Variants in TTC28 observed in about 807,000 individuals in gnomAD.
The protein encoded by TTC28 is tetratricopeptide repeat protein 28.
A neutral mutation model predicts 198.0 loss-of-function variants in TTC28; 61 were observed. The observed-to-expected ratio is 0.31, with a 90% CI of 0.25 to 0.38. The LOEUF (loss-of-function observed/expected upper bound fraction) is 0.38, where lower values mean the gene tolerates loss of function less well. Ranked by LOEUF, TTC28 falls within the 10% of genes least tolerant of loss-of-function variation. The probability of loss-of-function intolerance (pLI) is 1.00; values close to 1 mark genes in which losing one functional copy is unlikely to be tolerated. For synonymous variants in TTC28, 1,171 were observed against 1,297.8 expected (o/e 0.90, Z 2.10); for missense variants, 2,678 against 3,164.0 (o/e 0.85, Z 3.69).
At chr22:28,355,986 A>G (rs772100907) in intron 2 of TTC28, among the ~76,000 whole-genome samples, 1 of 152,226 alleles carries the variant, frequency 6.6e-6, no homozygotes, top group Non-Finnish European at 1.5e-5. Context: ...AATCTAAGGC[A>G]CCTTCTGTTG....
chr22:28,048,374 CAG>C (rs1383326777), intron 12 of TTC28, among the ~76,000 whole-genome samples: 2 of 151,992 alleles, frequency 1.3e-5, no homozygotes. Flanking sequence ...CAGAGAGTCA[CAG>C]AGCTTTGGGG....
intron 5 of TTC28, among the ~76,000 whole-genome samples, chr22:28,178,870 C>T (rs1923433257): frequency 6.6e-6 from 1 of 152,132 alleles, no homozygotes; most frequent in African/African-American, 2.4e-5. Flanking sequence ...TTAATAACAC[C>T]ACCAGGGTTC....
In TTC28 at chr22:28,297,716, T is replaced by A. The variant is rs1415319010; in HGVS notation, c.666A>T (p.Ala222=). 1.3e-6 allele frequency: 2 copies of A among 1,551,628 alleles called. No individual in the cohort carries two copies. Among genetic ancestry groups the A allele is most frequent in the East Asian group, 4.9e-5 (2 of 40,920 alleles). ...TGAGGCTGCAGGTGCCAATCTTCAG[T>A]GCGGCTTCTAAGACAACCACAGAGG... is the stretch of plus-strand genomic sequence containing the variant. ...HGASVVVLEA[A]LKIGTCSLKL... The change falls in exon 4 of 23, where the codon GCA becomes GCT. Residue 222 remains alanine, a synonymous_variant. Coordinates refer to ENST00000397906, the MANE Select transcript of TTC28 (RefSeq NM_001145418.2).
chr22:27,982,441 T>C lies in TTC28; in HGVS notation c.7226A>G (p.Asp2409Gly). ...PRHNKKEEGV[D>G]KLELKELSLQ... ...GGACAGCTCCTTCAGTTCAAGCTTA[T>C]CCACTCCCTCCTCCTTCTTATTGTG... The change falls in exon 23 of 23, where the codon GAT becomes GGT. Residue 2409 changes from aspartate to glycine, a missense_variant. Transcript: ENST00000397906. This position sits in a 1 kb window ranked among gnomAD's most constrained non-coding sequence, Gnocchi z 5.2. 2.6e-6 allele frequency: 4 copies of C among 1,551,424 alleles called. No homozygotes were observed. The highest frequency in any genetic ancestry group is 3.5e-6 in the Non-Finnish European group (4 of 1,146,952).
At chr22:28,242,197 C>T (rs1022147292) in intron 5 of TTC28, among the ~76,000 whole-genome samples, 1 of 152,196 alleles carries the variant, frequency 6.6e-6, no homozygotes, top group Non-Finnish European at 1.5e-5. Context: ...CTAGTGTCTA[C>T]TCTCCAGCAT....
At chr22:28,272,188 C>T (rs1017160034) in intron 5 of TTC28, among the ~76,000 whole-genome samples, 5 of 152,162 alleles carry the variant, frequency 3.3e-5, no homozygotes, top group Non-Finnish European at 7.3e-5. Context: ...ACAGATGGTG[C>T]TTCATAGATG....
chr22:28,296,253 G>A lies in TTC28; in HGVS notation c.878C>T (p.Ala293Val). 6.4e-7 allele frequency: 1 copy of A among 1,550,954 alleles called. No individual in the cohort carries two copies. Among genetic ancestry groups the A allele is most frequent in the Non-Finnish European group, 8.7e-7 (1 of 1,146,664 alleles). Residue 293 changes from alanine (A) to valine (V), a missense_variant, in exon 5 of 23, where the codon GCT (alanine) becomes GTT (valine). Physicochemically the swap from Ala to Val is moderately conservative, Grantham distance 64. Transcript: ENST00000397906. ...CAACTGATGCCTGTGGTTAGTGAGAGCCTCCCGGTAATTTCCTTTGGAGAA... is the reference window on the plus strand; with the variant it reads ...CAACTGATGCCTGTGGTTAGTGAGAACCTCCCGGTAATTTCCTTTGGAGAA... ...AFFSKGNYRE[A>V]LTNHRHQLVL...
intron 2 of TTC28, among the ~76,000 whole-genome samples, chr22:28,319,937 T>G (rs1055919286): frequency 6.6e-6 from 1 of 152,200 alleles, no homozygotes; most frequent in African/African-American, 2.4e-5. Flanking sequence ...AAGGAGTATA[T>G]AGATATCTGA....
chr22:28,270,781 C>T (rs927461882), intron 5 of TTC28, among the ~76,000 whole-genome samples: 1 of 152,096 alleles, frequency 6.6e-6, no homozygotes, highest in African/African-American at 2.4e-5. Context: ...TGCCTATAGT[C>T]CCAGCTACTC....
At chr22:28,344,935 A>G (rs1039541621) in intron 2 of TTC28, among the ~76,000 whole-genome samples, 36 of 152,224 alleles carry the variant, frequency 2.4e-4, no homozygotes, top group African/African-American at 7.7e-4. Flanking sequence ...CCAAAACATA[A>G]GAATTACAAT....
intron 5 of TTC28, among the ~76,000 whole-genome samples, chr22:28,265,048 A>G (rs920256218): frequency 8.5e-5 from 13 of 152,220 alleles, no homozygotes; most frequent in Admixed American, 2.0e-4. Flanking sequence ...ATGTAAATAT[A>G]TAAGTATTTC....
At chr22:28,035,153 A>G (rs1939286357) in intron 12 of TTC28, among the ~76,000 whole-genome samples, 1 of 152,146 alleles carries the variant, frequency 6.6e-6, no homozygotes, top group Admixed American at 6.5e-5. Flanking sequence ...ATGTCTCAAC[A>G]TCCTTTTACT....
At chr22:28,170,980 C>CTTTTTT (rs76585422) in intron 5 of TTC28, among the ~76,000 whole-genome samples, 4 of 132,800 alleles carry the variant, frequency 3.0e-5, no homozygotes, top group African/African-American at 1.1e-4. Context: ...GCCACTCATT[C>CTTTTTT]TTTTTTTTTT....
At chr22:28,066,275 C>CGT (rs796325170) in intron 12 of TTC28, among the ~76,000 whole-genome samples, 13,458 of 135,576 alleles carry the variant, frequency 0.099, 662 homozygotes, top group South Asian at 0.19. Context: ...ACCTAGTTAC[C>CGT]GTGTGTGTGT....
chr22:28,599,843 G>A (rs539774248), intron 2 of TTC28, among the ~76,000 whole-genome samples: 4 of 152,206 alleles, frequency 2.6e-5, no homozygotes, highest in South Asian at 4.1e-4. Flanking sequence ...AACAAACTCC[G>A]GTTGTTATTG....
At chr22:28,380,156 A>T (rs1219695700) in intron 2 of TTC28, among the ~76,000 whole-genome samples, 1 of 151,920 alleles carries the variant, frequency 6.6e-6, no homozygotes, top group Non-Finnish European at 1.5e-5. Flanking sequence ...AAAAAGCTCA[A>T]AAAAGAAGAA....
intron 2 of TTC28, among the ~76,000 whole-genome samples, chr22:28,453,054 G>A (rs553759684): frequency 1.2e-4 from 18 of 152,240 alleles, no homozygotes; most frequent in South Asian, 2.1e-4. Context: ...GGTAGCCAGG[G>A]TACAACAGTT....
chr22:28,013,380 T>C (rs1255534609), intron 14 of TTC28, among the ~76,000 whole-genome samples: 1 of 152,204 alleles, frequency 6.6e-6, no homozygotes, highest in East Asian at 1.9e-4. Flanking sequence ...TTTGCGAAGA[T>C]CCTGAGCCCT....
intron 12 of TTC28, among the ~76,000 whole-genome samples, chr22:28,047,528 G>T (rs943551328): frequency 2.0e-5 from 3 of 152,178 alleles, no homozygotes; most frequent in Non-Finnish European, 4.4e-5. Flanking sequence ...CAAGCCGCAG[G>T]GCCCCTCTAA....
Sources: allele counts gnomAD v4.1 joint callset (sites outside exome capture counted in the v4.1 genomes callset), GRCh38; gene constraint gnomAD v4.1.1; non-coding constraint Gnocchi (gnomAD v3.1); transcripts MANE v1.5; gene names NCBI Gene and HGNC (gene_info 2026-07-23, HGNC 2026-07-21).